LRRC49: variants seen among roughly 807,000 people sequenced by gnomAD.
The protein encoded by LRRC49 is leucine rich repeat containing 49, also known as leucine-rich repeat-containing protein 49.
Under a neutral mutation model 83.3 loss-of-function variants are expected in LRRC49, and 50 were observed. That is an observed-to-expected ratio of 0.60 (90% confidence interval 0.48 to 0.76). The LOEUF is 0.76. Among genes scored for constraint, LRRC49 ranks in the 30% least tolerant of loss-of-function variants. The pLI is 0.00. For synonymous variants in LRRC49, 286 were observed against 283.3 expected, an observed-to-expected ratio of 1.01 and a Z score of -0.10; for missense variants, 704 against 809.1, an observed-to-expected ratio of 0.87 and a Z score of 1.58.
intron 1 of LRRC49, among the ~76,000 whole-genome samples, chr15:70,871,807 G>T (rs899464781): frequency 2.0e-5 from 3 of 149,870 alleles, no homozygotes; most frequent in African/African-American, 7.4e-5. Context: ...GGGGCGGGGG[G>T]GTAGAGGCGC....
At chr15:71,034,805 A>G (rs1015245785) in intron 14 of LRRC49, among the ~76,000 whole-genome samples, 3 of 152,200 alleles carry the variant, frequency 2.0e-5, no homozygotes. Context: ...AGACAACCAA[A>G]CACCACATGT....
upstream of LRRC49, among the ~76,000 whole-genome samples, chr15:70,889,687 A>C (rs747130690): frequency 6.6e-6 from 1 of 152,204 alleles, no homozygotes; most frequent in Admixed American, 6.5e-5. Context: ...GAAGCCCCCT[A>C]AAGATATGTA....
chr15:70,936,780 C>T lies in LRRC49; in HGVS notation c.731C>T (p.Pro244Leu). 1 of 1,610,444 alleles carries T rather than the reference C, an allele frequency of 6.2e-7. No individual in the cohort carries two copies. Among genetic ancestry groups the T allele is most frequent in the Non-Finnish European group, 8.5e-7 (1 of 1,177,270 alleles). The change falls in exon 8 of 16, where the codon CCC becomes CTC. Residue 244 changes from proline to leucine, a missense_variant. Physicochemically the swap from Pro to Leu is moderately conservative, Grantham distance 98. Around this residue, in one of 3 missense-constraint regions of LRRC49, gnomAD observed 261 missense variants for 330.5 expected, o/e 0.79. Transcript: ENST00000260382. ...ITFVRDVDNL[P>L]CLQHLFLSFN... Reference sequence around the variant, plus strand: ...TTCCAGAGAGATGTGGATAATTTGCCCTGCCTCCAACATCTCTTTCTCAGC... The same window carrying T: ...TTCCAGAGAGATGTGGATAATTTGCTCTGCCTCCAACATCTCTTTCTCAGC...
intron 1 of LRRC49, chr15:70,860,128 T>G (rs1454823177): frequency 1.4e-6 from 1 of 702,570 alleles, no homozygotes; most frequent in Non-Finnish European, 2.6e-6. Flanking sequence ...GATGGGAAGC[T>G]GGTGTCCAAG....
intron 4 of LRRC49, 69 bp downstream of exon 4, chr15:70,901,093 A>T: frequency 2.4e-6 from 2 of 846,020 alleles, no homozygotes; most frequent in Non-Finnish European, 3.8e-6. Context: ...AAGACTTGAA[A>T]GATGCAAGTC....
chr15:71,013,377 CTGAT>C (rs760400100), intron 14 of LRRC49, among the ~76,000 whole-genome samples: 2 of 152,214 alleles, frequency 1.3e-5, no homozygotes, highest in Non-Finnish European at 2.9e-5. Flanking sequence ...GCTAGAAAGA[CTGAT>C]TGTGGTCTGA....
chr15:70,873,583 T>C (rs1567032105), intron 2 of LRRC49, among the ~76,000 whole-genome samples: 1 of 152,178 alleles, frequency 6.6e-6, no homozygotes, highest in Non-Finnish European at 1.5e-5. Flanking sequence ...TCAGCTGGCA[T>C]GTTGGAGGCA....
chr15:70,865,119 G>A lies in LRRC49; in HGVS notation c.-298-7789G>A, dbSNP rs117834811. Among the ~76,000 whole-genome samples, 1,069 of 152,062 alleles carry A rather than the reference G, an allele frequency of 7.0e-3. 70 individuals carry two copies. In the East Asian group the frequency reaches 0.15, roughly 21 times the overall value. ...GGTCCTTCAGCAATCCTCCTGCCTCGGCCTCCCACAGTGCTGGGATTACAG... is the reference window on the plus strand; with the variant it reads ...GGTCCTTCAGCAATCCTCCTGCCTCAGCCTCCCACAGTGCTGGGATTACAG... On this transcript the variant is annotated intron_variant, in intron 1 of 16. Coordinates refer to the LRRC49 transcript ENST00000544974.
intron 8 of LRRC49, among the ~76,000 whole-genome samples, chr15:70,937,859 C>G (rs1326105355): frequency 6.6e-6 from 1 of 152,044 alleles, no homozygotes; most frequent in African/African-American, 2.4e-5. Flanking sequence ...TCATATTCCT[C>G]TTAGTATATT....
chr15:70,984,835 T>C lies in LRRC49; in HGVS notation c.1169+578T>C, dbSNP rs1207497470. On this transcript the variant is annotated intron_variant, in intron 11 of 15. Coordinates refer to ENST00000260382, the MANE Select transcript of LRRC49 (RefSeq NM_017691.5). ...TGATGTTCCCCTTCCTGTGTCCATG[T>C]GTTCTCATTGTTCAGTTCCCACCTA... Among the ~76,000 whole-genome samples, 207 of 144,964 alleles carry C rather than the reference T, an allele frequency of 1.4e-3. 1 individual carries two copies. The highest frequency in any genetic ancestry group is 3.5e-3 in the Admixed American group (49 of 13,834).
intron 7 of LRRC49, among the ~76,000 whole-genome samples, chr15:70,932,576 T>G (rs1168600349): frequency 6.6e-6 from 1 of 152,126 alleles, no homozygotes; most frequent in Non-Finnish European, 1.5e-5. Flanking sequence ...CATGTCAGAA[T>G]CCTTGGTGCA....
rs142815607 is a variant in LRRC49 at position 70,873,034 on chromosome 15, G to A, written c.-172G>A. 9.7e-3 allele frequency: 5,937 copies of A among 610,956 alleles called. 42 individuals carry two copies. Among genetic ancestry groups the A allele is most frequent in the Non-Finnish European group, 0.013 (4,551 of 337,592 alleles). 37.8% of individuals were successfully genotyped at this position (610,956 alleles called of 1,614,324 possible). A position where few individuals can be genotyped will look rare whatever the true frequency, so the allele number is the denominator to read the frequency against. The stretch of plus-strand genomic sequence containing the variant: ...CGAGTAGCTGGGATTATAGGTGCCC[G>A]CCACCATGCCCAGCTCATTTTTGTA... On this transcript the variant is annotated 5_prime_UTR_variant, in exon 2 of 17. Coordinates refer to the LRRC49 transcript ENST00000544974.
intron 8 of LRRC49, among the ~76,000 whole-genome samples, chr15:70,953,087 G>C (rs973680560): frequency 6.6e-6 from 1 of 152,006 alleles, no homozygotes; most frequent in Non-Finnish European, 1.5e-5. Context: ...TATCTAACTG[G>C]GCACACTATC....
At chr15:70,971,274 A>G (rs1309368809) in intron 9 of LRRC49, among the ~76,000 whole-genome samples, 2 of 152,110 alleles carry the variant, frequency 1.3e-5, no homozygotes, top group Admixed American at 6.5e-5. Context: ...TTCAGTTTCC[A>G]TGTAGTTTTG....
At chr15:70,900,519 A>G in intron 3 of LRRC49, 2 of 456,988 alleles carry the variant, frequency 4.4e-6, no homozygotes, top group Non-Finnish European at 8.8e-6. Flanking sequence ...AGATTCTTCC[A>G]TTAAGACACC....
chr15:70,897,601 T>G lies in LRRC49; in HGVS notation c.193+1665T>G, dbSNP rs904968379. Among the ~76,000 whole-genome samples, 4 of 152,332 alleles carry G rather than the reference T, an allele frequency of 2.6e-5. No homozygotes were observed. The South Asian group carries it at 8.3e-4, about 32-fold the overall frequency. On this transcript the variant is annotated intron_variant, in intron 3 of 15. Coordinates refer to ENST00000260382, the MANE Select transcript of LRRC49 (RefSeq NM_017691.5). ...CCTCATCAGGAAAAGTTTAGGGATG[T>G]CTGTCTAATAAACTGTATCTTGATA...
At chr15:71,040,092 A>G (rs2039652895) in intron 15 of LRRC49, among the ~76,000 whole-genome samples, 1 of 152,236 alleles carries the variant, frequency 6.6e-6, no homozygotes. Flanking sequence ...AGTTTATCCT[A>G]GAAAGGCAGG....
intron 9 of LRRC49, among the ~76,000 whole-genome samples, chr15:70,965,216 T>C (rs1181585964): frequency 6.6e-6 from 1 of 152,166 alleles, no homozygotes; most frequent in Non-Finnish European, 1.5e-5. Context: ...AACTCGTTTA[T>C]ATAAATTAGT....
At chr15:70,950,719 C>T (rs941834191) in intron 8 of LRRC49, among the ~76,000 whole-genome samples, 1 of 152,142 alleles carries the variant, frequency 6.6e-6, no homozygotes, top group African/African-American at 2.4e-5. Context: ...TGTCTGTTTA[C>T]TCTGTTGGTA....
Sources: gnomAD v4.1 joint callset for allele counts (sites outside exome capture counted in the v4.1 genomes callset) on GRCh38, gnomAD v4.1.1 for gene constraint, gnomAD v4.1.1 regional missense constraint, MANE v1.5 for transcripts, NCBI Gene and HGNC (gene_info 2026-07-23, HGNC 2026-07-21) for gene names.